The following TMEM38B variants were observed in gnomAD, a reference collection of about 807,000 sequenced individuals.
The protein encoded by TMEM38B is transmembrane protein 38B.
TMEM38B carries 24 observed loss-of-function variants against 28.7 expected under a neutral mutation model. The observed-to-expected ratio is 0.84, with a 90% CI of 0.61 to 1.18. The LOEUF (loss-of-function observed/expected upper bound fraction) is 1.18. Ranked by LOEUF, TMEM38B falls within the 50% of genes most tolerant of loss-of-function variation. TMEM38B has a pLI of 0.00. For synonymous variants in TMEM38B, 131 were observed against 127.7 expected, an observed-to-expected ratio of 1.03 and a Z score of -0.17; for missense variants, 380 against 350.9, an observed-to-expected ratio of 1.08 and a Z score of -0.66.
Position 105,705,596 on chromosome 9 carries a change from G to A in TMEM38B, c.113-1G>A. The A allele has an allele frequency of 6.2e-7, 1 of 1,611,550 alleles. No individual in the cohort carries two copies. The highest frequency in any genetic ancestry group is 8.5e-7 in the Non-Finnish European group (1 of 1,178,650). ...GACCATATTTTACTTTACCATTTCA[G>A]GAGCAGCTGCATTGGCATGGAAGAA... On this transcript the variant is annotated splice_acceptor_variant, in intron 1 of 5. Coordinates refer to ENST00000374692, the MANE Select transcript of TMEM38B (RefSeq NM_018112.3). LOFTEE classifies it high-confidence loss of function.
At position 105,702,032 on chromosome 9, in the gene TMEM38B, T is replaced by C. The variant is rs977905997; in HGVS notation, c.113-3565T>C. On this transcript the variant is annotated intron_variant, in intron 1 of 5. Transcript: ENST00000374692. ...AAGTTTGAGACCAGCCTGGCCAACA[T>C]AGTGAGACCCCATCTCTGAAAAAAT... 5.9e-5 allele frequency among the ~76,000 whole-genome samples: 9 copies of C among 152,172 alleles called. No individual in the cohort carries two copies. The East Asian group carries it at 7.7e-4, about 13-fold the overall frequency.
At position 105,774,123 on chromosome 9, in the gene TMEM38B, A is replaced by C; in HGVS notation, c.*43A>C. ...TACAAGGCCAAAAATTTTTTTTCTT[A>C]TCTACCTGTTATATTGTGCTAATTT... On this transcript the variant is annotated 3_prime_UTR_variant, in exon 6 of 6. Coordinates refer to ENST00000374692, the MANE Select transcript of TMEM38B (RefSeq NM_018112.3). 2 of 1,538,100 alleles carry C rather than the reference A, an allele frequency of 1.3e-6. No individual in the cohort carries two copies. Among genetic ancestry groups the C allele is most frequent in the South Asian group, 2.3e-5 (2 of 87,228 alleles).
chr9:105,769,696 T>G (rs1779405813), intron 5 of TMEM38B, among the ~76,000 whole-genome samples: 1 of 149,154 alleles, frequency 6.7e-6, no homozygotes, highest in African/African-American at 2.6e-5. Context: ...TATTTTTAGC[T>G]ATTCTTGTAT....
chr9:105,694,712 T>G lies in TMEM38B; in HGVS notation c.52T>G (p.Phe18Val). 1 of 1,613,978 alleles carries G rather than the reference T, an allele frequency of 6.2e-7. No individual in the cohort carries two copies. Among genetic ancestry groups the G allele is most frequent in the African/African-American group, 1.3e-5 (1 of 75,026 alleles). The part of the protein sequence containing the change: ...LALAFSRTSM[F>V]PFFDIAHYLV... ...TCTGGCCTTCTCCCGCACGTCCATG[T>G]TTCCCTTTTTTGACATCGCGCACTA... The change falls in exon 1 of 6, where the codon TTT becomes GTT. Residue 18 changes from phenylalanine (F) to valine (V), a missense_variant. By Grantham distance (50) the Phe-to-Val change is conservative. Transcript: ENST00000374692.
At chr9:105,726,331 T>G (rs1410206697) in intron 4 of TMEM38B, among the ~76,000 whole-genome samples, 1 of 152,200 alleles carries the variant, frequency 6.6e-6, no homozygotes, top group Non-Finnish European at 1.5e-5. Context: ...ATTATACAGT[T>G]GTATAAAAAT....
At chr9:105,752,348 C>G (rs1021829760) in intron 5 of TMEM38B, among the ~76,000 whole-genome samples, 7 of 152,180 alleles carry the variant, frequency 4.6e-5, no homozygotes, top group Non-Finnish European at 7.3e-5. Context: ...TAAGCGGGTC[C>G]CTGATCCTGT....
rs1837982635 is a variant in TMEM38B, at chr9:105,760,062, G to A, written c.660+11872G>A. Reference sequence around the variant, plus strand: ...ATTCTTTACTTCCAGCTTCTTCTGTGTTGACTGGTACACGAAGTTTGCTGC... The same window carrying A: ...ATTCTTTACTTCCAGCTTCTTCTGTATTGACTGGTACACGAAGTTTGCTGC... On this transcript the variant is annotated intron_variant, in intron 5 of 5. Coordinates refer to ENST00000374692, the MANE Select transcript of TMEM38B (RefSeq NM_018112.3). The A allele has an allele frequency of 2.6e-6, 3 of 1,132,904 alleles. No homozygotes were observed. The South Asian group carries it at 3.9e-5, about 15-fold the overall frequency. 70.2% of individuals were successfully genotyped at this position (1,132,904 alleles called of 1,614,324 possible). A position where few individuals can be genotyped will look rare whatever the true frequency, so the allele number is the denominator to read the frequency against.
rs984979418 is a variant in TMEM38B at position 105,694,582 on chromosome 9, G to C, written c.-79G>C. 4.3e-6 allele frequency: 5 copies of C among 1,173,048 alleles called. No individual in the cohort carries two copies. The African/African-American group carries it at 4.7e-5, about 11-fold the overall frequency. 72.7% of individuals were successfully genotyped at this position (1,173,048 alleles called of 1,614,324 possible). A position where few individuals can be genotyped will look rare whatever the true frequency, so the allele number is the denominator to read the frequency against. On this transcript the variant is annotated 5_prime_UTR_variant, in exon 1 of 6. Transcript: ENST00000374692. ...CGGAGGAGCGGGCGGCCGCGGCTGT[G>C]CCCTCTCCTACTCCTCACCGCGCGA...
intron 2 of TMEM38B, among the ~76,000 whole-genome samples, chr9:105,720,564 C>T (rs113923347): frequency 6.6e-6 from 1 of 152,014 alleles, no homozygotes; most frequent in Non-Finnish European, 1.5e-5. Flanking sequence ...GCTAAACAGA[C>T]TATTGTATCT....
At chr9:105,747,463 C>T (rs1401658878) in intron 4 of TMEM38B, among the ~76,000 whole-genome samples, 1 of 152,128 alleles carries the variant, frequency 6.6e-6, no homozygotes, top group Admixed American at 6.6e-5. Context: ...TGAGTCTTCT[C>T]TCTTTTCTTC....
intron 5 of TMEM38B, among the ~76,000 whole-genome samples, chr9:105,751,661 A>G (rs1158417706): frequency 6.6e-6 from 1 of 152,184 alleles, no homozygotes; most frequent in Non-Finnish European, 1.5e-5. Flanking sequence ...GCCAACAGCA[A>G]TAGGCTGGAA....
intron 5 of TMEM38B, among the ~76,000 whole-genome samples, chr9:105,748,418 C>T (rs564504026): frequency 2.5e-4 from 38 of 152,136 alleles, no homozygotes; most frequent in African/African-American, 8.7e-4. Flanking sequence ...GGCAGATAGC[C>T]TAGTAGTATA....
chr9:105,737,958 T>C (rs1250127607), intron 4 of TMEM38B, among the ~76,000 whole-genome samples: 1 of 152,050 alleles, frequency 6.6e-6, no homozygotes, highest in Non-Finnish European at 1.5e-5. Context: ...GGGTAGGGCA[T>C]TGTAGCAGGT....
chr9:105,710,576 A>G, intron 2 of TMEM38B: 1 of 893,880 alleles, frequency 1.1e-6, no homozygotes, highest in South Asian at 1.3e-5. Context: ...CAAATTATAT[A>G]AAGTGTCTTC....
Position 105,738,715 on chromosome 9 carries a change from C to CTTTTTTT in TMEM38B, c.543-9343_543-9337dup, listed in dbSNP as rs71489351. 4.2e-3 allele frequency among the ~76,000 whole-genome samples: 455 copies of CTTTTTTT among 109,634 alleles called. 11 individuals are homozygous for CTTTTTTT. The highest frequency in any genetic ancestry group is 0.014 in the African/African-American group (339 of 24,498). 71.9% of individuals were successfully genotyped at this position (109,634 alleles called of 152,430 possible). A position where few individuals can be genotyped will look rare whatever the true frequency, so the allele number is the denominator to read the frequency against. ...CAGATCCATATGAGTTAATTTTTTC[C>CTTTTTTT]TTTTTTTTTTTTTTTTTTTTTGAGA... On this transcript the variant is annotated intron_variant, in intron 4 of 5. Transcript: ENST00000374692.
rs191615843 is a variant in TMEM38B at position 105,744,507 on chromosome 9, C to G, written c.543-3566C>G. Among the ~76,000 whole-genome samples, 4 of 152,102 alleles carry G rather than the reference C, an allele frequency of 2.6e-5. No individual in the cohort carries two copies. In the East Asian group the frequency reaches 7.7e-4, roughly 29 times the overall value. ...TGAATATATACTCAAGCTGCTTTTA[C>G]TTTCCATCTAGTCCTAAGAAAAGAT... On this transcript the variant is annotated intron_variant, in intron 4 of 5. Transcript: ENST00000374692.
intron 1 of TMEM38B, chr9:105,702,745 A>G (rs565804630): frequency 6.6e-6 from 1 of 152,268 alleles, no homozygotes; most frequent in Admixed American, 6.5e-5. Context: ...CATTGGCACT[A>G]TCATGGCTCA....
intron 4 of TMEM38B, among the ~76,000 whole-genome samples, chr9:105,727,888 T>A (rs1390178886): frequency 6.6e-6 from 1 of 152,076 alleles, no homozygotes; most frequent in African/African-American, 2.4e-5. Flanking sequence ...TTTGAAAGTC[T>A]GGTTCCTTTC....
At chr9:105,760,119 G>T in intron 5 of TMEM38B, 1 of 882,012 alleles carries the variant, frequency 1.1e-6, no homozygotes, top group Non-Finnish European at 1.9e-6. Context: ...CCATCGATGC[G>T]CTACAATTGT....
Sources: allele counts gnomAD v4.1 joint callset (sites outside exome capture counted in the v4.1 genomes callset), GRCh38; gene constraint gnomAD v4.1.1; transcripts MANE v1.5; gene names NCBI Gene and HGNC (gene_info 2026-07-23, HGNC 2026-07-21).